Variants in IFI44L observed in about 807,000 individuals in gnomAD.
The protein encoded by IFI44L is interferon induced protein 44 like, also known as interferon-induced protein 44-like.
A neutral mutation model predicts 39.3 loss-of-function variants in IFI44L; 40 were observed. The ratio of observed to expected loss-of-function variants is 1.02; its 90% CI spans 0.79 to 1.33. The LOEUF is 1.33. Ranked by LOEUF, IFI44L falls within the 40% of genes most tolerant of loss-of-function variation. The probability of loss-of-function intolerance (pLI) is 0.00; values close to 1 mark genes in which losing one functional copy is unlikely to be tolerated. For synonymous variants in IFI44L, 198 were observed against 182.3 expected, an observed-to-expected ratio of 1.09 and a Z score of -0.69; for missense variants, 623 against 549.0, an observed-to-expected ratio of 1.13 and a Z score of -1.35.
intron 7 of IFI44L, 62 bp downstream of exon 7, chr1:78,641,183 G>A: frequency 1.7e-6 from 2 of 1,176,364 alleles, no homozygotes; most frequent in Non-Finnish European, 2.6e-6. Flanking sequence ...ACGTGTGTGT[G>A]TTTGTGTGTG....
chr1:78,624,202 G>A (rs1238563056), intron 1 of IFI44L, among the ~76,000 whole-genome samples: 2 of 152,000 alleles, frequency 1.3e-5, no homozygotes, highest in East Asian at 1.9e-4. Flanking sequence ...TTCCGTATTG[G>A]CCAGGCTGGT....
In IFI44L at chr1:78,629,743, A is replaced by C; in HGVS notation, c.551A>C (p.Asp184Ala). 1 of 1,612,256 alleles carries C rather than the reference A, an allele frequency of 6.2e-7. No homozygotes were observed. The highest frequency in any genetic ancestry group is 8.5e-7 in the Non-Finnish European group (1 of 1,179,232). The change falls in exon 4 of 9, where the codon GAC (aspartate) becomes GCC (alanine). Residue 184 changes from aspartate to alanine, a missense_variant. Coordinates refer to ENST00000370751, the MANE Select transcript of IFI44L (RefSeq NM_006820.4). ...AREHRNRLLADIRDYRPYADL... is the reference protein window; with the variant it reads ...AREHRNRLLAAIRDYRPYADL... Reference sequence around the variant, plus strand: ...AGGCACAGAAATAGGCTTCTAGCAGACATCAGAGACTATAGGCCCTATGCA... The same window carrying C: ...AGGCACAGAAATAGGCTTCTAGCAGCCATCAGAGACTATAGGCCCTATGCA...
intron 1 of IFI44L, chr1:78,626,881 T>C (rs1281626004): frequency 1.3e-5 from 2 of 151,990 alleles, no homozygotes; most frequent in Admixed American, 6.6e-5. Flanking sequence ...ATCATATCAG[T>C]CTGTATGCCT....
chr1:78,641,681 T>A, intron 8 of IFI44L, 72 bp downstream of exon 8: 3 of 1,606,838 alleles, frequency 1.9e-6, no homozygotes, highest in Non-Finnish European at 2.6e-6. Flanking sequence ...TATACATCAG[T>A]TATTAGATGA....
intron 4 of IFI44L, among the ~76,000 whole-genome samples, chr1:78,631,798 T>G (rs914169787): frequency 6.6e-6 from 1 of 152,118 alleles, no homozygotes; most frequent in South Asian, 2.1e-4. Flanking sequence ...AAGTTTTTTT[T>G]GTCTTTTCTA....
In IFI44L at chr1:78,641,838, C is replaced by T; in HGVS notation, c.*29C>T. 6.2e-7 allele frequency: 1 copy of T among 1,608,986 alleles called. No homozygotes were observed. Among genetic ancestry groups the T allele is most frequent in the Non-Finnish European group, 8.5e-7 (1 of 1,175,392 alleles). ...AAGTTGCCTTGATTCTGACATTTGG[C>T]CCAGCCTGTACTGGTGTGCCGCAAT... On this transcript the variant is annotated 3_prime_UTR_variant, in exon 9 of 9. Transcript: ENST00000370751.
chr1:78,641,140 A>T lies in IFI44L; in HGVS notation c.1149+19A>T, dbSNP rs1570369222. 6.7e-7 allele frequency: 1 copy of T among 1,489,304 alleles called. No individual in the cohort carries two copies. Among genetic ancestry groups the T allele is most frequent in the Admixed American group, 1.7e-5 (1 of 59,770 alleles). 92.3% of individuals were successfully genotyped at this position (1,489,304 alleles called of 1,614,324 possible). ...AAGCCGGGTAAAAAATGCTGATCATAACCAGATATTATTGTAATAGTATCA... is the reference window on the plus strand; with the variant it reads ...AAGCCGGGTAAAAAATGCTGATCATTACCAGATATTATTGTAATAGTATCA... On this transcript the variant is annotated intron_variant, in intron 7 of 8. Coordinates refer to ENST00000370751, the MANE Select transcript of IFI44L (RefSeq NM_006820.4).
At chr1:78,626,099 G>A (rs1652477139) in intron 1 of IFI44L, 1 of 151,512 alleles carries the variant, frequency 6.6e-6, no homozygotes, top group South Asian at 2.1e-4. Context: ...TAATTTTACT[G>A]TATCCTTTAA....
intron 1 of IFI44L, among the ~76,000 whole-genome samples, chr1:78,623,406 T>G (rs580395): frequency 0.24 from 23,126 of 96,296 alleles, 1,738 homozygotes; most frequent in East Asian, 0.31. Context: ...GTTTTTTTTT[T>G]TTTTTTTTTT....
chr1:78,635,794 C>T, intron 5 of IFI44L: 1 of 303,150 alleles, frequency 3.3e-6, no homozygotes, highest in South Asian at 4.3e-5. Flanking sequence ...TCACTTAATC[C>T]CTTGCACTTT....
Position 78,641,092 on chromosome 1 carries a change from A to C in IFI44L, c.1120A>C (p.Met374Leu). The change falls in exon 7 of 9, where the codon ATG becomes CTG. Residue 374 changes from methionine (M) to leucine (L), a missense_variant. Transcript: ENST00000370751. ...GGTTCTTCAAGACAACTTTTTAAACATGAGTAGATCTATGACTTCTCAAAG... is the reference window on the plus strand; with the variant it reads ...GGTTCTTCAAGACAACTTTTTAAACCTGAGTAGATCTATGACTTCTCAAAG... ...SEVLQDNFLN[M>L]SRSMTSQSRV... is the part of the protein sequence containing the mutation. The C allele has an allele frequency of 6.2e-7, 1 of 1,610,376 alleles. No individual in the cohort carries two copies. Among genetic ancestry groups the C allele is most frequent in the Non-Finnish European group, 8.5e-7 (1 of 1,178,900 alleles).
intron 8 of IFI44L, 81 bp downstream of exon 8, chr1:78,641,690 GA>G: frequency 1.2e-6 from 2 of 1,604,768 alleles, no homozygotes; most frequent in South Asian, 2.2e-5. Context: ...GTTATTAGAT[GA>G]CTGGGGCCCA....
Position 78,641,866 on chromosome 1 carries a change from G to A in IFI44L, c.*57G>A. The A allele has an allele frequency of 6.4e-7, 1 of 1,555,872 alleles. No homozygotes were observed. Among genetic ancestry groups the A allele is most frequent in the Non-Finnish European group, 8.9e-7 (1 of 1,127,370 alleles). On this transcript the variant is annotated 3_prime_UTR_variant, in exon 9 of 9. Coordinates refer to ENST00000370751, the MANE Select transcript of IFI44L (RefSeq NM_006820.4). ...AGCCTGTACTGGTGTGCCGCAATGA[G>A]AGTCAATCTCTATTGACAGCCTGCT...
rs1408169750 is a variant in IFI44L, at chr1:78,644,653, C to G, written c.*2844C>G. 1 of 152,048 alleles carries G rather than the reference C, an allele frequency of 6.6e-6. No homozygotes were observed. The highest frequency in any genetic ancestry group is 1.5e-5 in the Non-Finnish European group (1 of 68,010). 9.4% of individuals were successfully genotyped at this position (152,048 alleles called of 1,614,324 possible). On this transcript the variant is annotated 3_prime_UTR_variant, in exon 9 of 9. Transcript: ENST00000370751. ...CATTTTGCTACATTTTAGAGGTCAT[C>G]CAGGATTTTTGAAACTTTACATTCT...
At chr1:78,629,599 T>C in intron 3 of IFI44L, 121 bp from the exon 4 acceptor site, 1 of 544,244 alleles carries the variant, frequency 1.8e-6, no homozygotes. Context: ...AAATAATAAT[T>C]AAGTATTGAA....
rs1425824637 is a variant in IFI44L, at chr1:78,628,163, T to A, written c.248T>A (p.Leu83Gln). The A allele has an allele frequency of 6.2e-7, 1 of 1,612,504 alleles. No homozygotes were observed. The highest frequency in any genetic ancestry group is 1.7e-5 in the Admixed American group (1 of 59,870). Reference sequence around the variant, plus strand: ...AGTTCTACAGAGCCAAATGATTCCCTATGGTTTTCACTTCAAAAGAAAAAT... The same window carrying A: ...AGTTCTACAGAGCCAAATGATTCCCAATGGTTTTCACTTCAAAAGAAAAAT... ...HESSTEPNDS[L>Q]WFSLQKKNDT... Residue 83 changes from leucine (L) to glutamine (Q), a missense_variant, in exon 2 of 9, where the codon CTA (leucine) becomes CAA (glutamine). Coordinates refer to ENST00000370751, the MANE Select transcript of IFI44L (RefSeq NM_006820.4).
intron 4 of IFI44L, among the ~76,000 whole-genome samples, chr1:78,632,291 T>G (rs1479254209): frequency 6.6e-6 from 1 of 152,166 alleles, no homozygotes; most frequent in African/African-American, 2.4e-5. Flanking sequence ...TTTGAGCTTT[T>G]GAGAAAAATC....
chr1:78,635,639 T>C (rs918012824), intron 5 of IFI44L, 150 bp downstream of exon 5: 4 of 673,110 alleles, frequency 5.9e-6, no homozygotes, highest in East Asian at 5.6e-5. Flanking sequence ...AGAATTCATA[T>C]GAAAAAGTAG....
chr1:78,634,410 T>A (rs1444525603), intron 4 of IFI44L, among the ~76,000 whole-genome samples: 1 of 152,042 alleles, frequency 6.6e-6, no homozygotes, highest in Non-Finnish European at 1.5e-5. Flanking sequence ...GAGAGTAGGA[T>A]GAAATATTCA....
Sources: allele counts gnomAD v4.1 joint callset (sites outside exome capture counted in the v4.1 genomes callset), GRCh38; gene constraint gnomAD v4.1.1; transcripts MANE v1.5; gene names NCBI Gene and HGNC (gene_info 2026-07-23, HGNC 2026-07-21).